The following MPPED1 variants were observed in gnomAD, a reference collection of about 807,000 sequenced individuals.
MPPED1 encodes the protein metallophosphoesterase domain containing 1.
MPPED1 carries 16 observed loss-of-function variants against 36.2 expected under a neutral mutation model. That is an observed-to-expected ratio of 0.44 (90% CI 0.30 to 0.67). The LOEUF is 0.67. Among genes scored for constraint, MPPED1 ranks in the 30% least tolerant of loss-of-function variants. The pLI, the probability that MPPED1 is intolerant of heterozygous loss-of-function variation, is 0.10. For missense variants in MPPED1, 307 were observed against 453.4 expected (o/e 0.68, Z 2.93); for synonymous variants, 199 against 191.3 (o/e 1.04, Z -0.33).
chr22:43,462,515 T>C (rs1930990207), intron 3 of MPPED1, among the ~76,000 whole-genome samples: 1 of 152,240 alleles, frequency 6.6e-6, no homozygotes, highest in Admixed American at 6.5e-5. Context: ...CACTCACATA[T>C]GCATCTTTTC....
chr22:43,427,255 G>C (rs1487608176), intron 2 of MPPED1, among the ~76,000 whole-genome samples: 1 of 152,236 alleles, frequency 6.6e-6, no homozygotes, highest in Non-Finnish European at 1.5e-5. Context: ...GGAAGACAGA[G>C]AGTGGGGGCT....
At chr22:43,436,464 T>C (rs1929964926) in intron 3 of MPPED1, among the ~76,000 whole-genome samples, 1 of 152,266 alleles carries the variant, frequency 6.6e-6, no homozygotes, top group Admixed American at 6.5e-5. Context: ...AAGCAAGGCC[T>C]TCCCTTCTGT....
intron 3 of MPPED1, among the ~76,000 whole-genome samples, chr22:43,455,567 G>A (rs948017777): frequency 6.6e-6 from 1 of 152,118 alleles, no homozygotes. Flanking sequence ...TTGTGGAGGG[G>A]GAGACAATTT....
intron 1 of MPPED1, among the ~76,000 whole-genome samples, chr22:43,420,249 G>C (rs147990993): frequency 3.5e-4 from 53 of 152,244 alleles, no homozygotes; most frequent in Middle Eastern, 3.4e-3. Flanking sequence ...GTCCTCCATG[G>C]CAGAAGCATG....
At chr22:43,503,221 G>T (rs1035563779) in intron 6 of MPPED1, among the ~76,000 whole-genome samples, 2 of 152,194 alleles carry the variant, frequency 1.3e-5, no homozygotes, top group Non-Finnish European at 2.9e-5. Context: ...GATGGTGAGG[G>T]TGATGTCAGC....
At chr22:43,493,302 G>A (rs1460196299) in intron 4 of MPPED1, among the ~76,000 whole-genome samples, 1 of 152,246 alleles carries the variant, frequency 6.6e-6, no homozygotes, top group African/African-American at 2.4e-5. Context: ...TTCAAATGGG[G>A]TTCCAAGGAG....
intron 3 of MPPED1, among the ~76,000 whole-genome samples, chr22:43,459,087 G>GT (rs560031358): frequency 7.2e-5 from 11 of 151,776 alleles, no homozygotes; most frequent in South Asian, 2.1e-4. Flanking sequence ...TTTTTATTTT[G>GT]TTTTTTTGAT....
At chr22:43,499,027 C>T (rs1932521596) in intron 5 of MPPED1, among the ~76,000 whole-genome samples, 1 of 151,546 alleles carries the variant, frequency 6.6e-6, no homozygotes, top group African/African-American at 2.4e-5. Context: ...CTCTCTCTCC[C>T]ATGGTCATGG....
At chr22:43,442,957 C>A (rs1352626027) in intron 3 of MPPED1, among the ~76,000 whole-genome samples, 2 of 152,122 alleles carry the variant, frequency 1.3e-5, no homozygotes, top group Admixed American at 6.5e-5. Context: ...GTCAACACAG[C>A]GTGAGGGGCT....
chr22:43,433,065 T>TC (rs1017843445), intron 2 of MPPED1, among the ~76,000 whole-genome samples: 129 of 151,758 alleles, frequency 8.5e-4, no homozygotes, highest in Non-Finnish European at 1.6e-3. Flanking sequence ...CAGCTGTGTG[T>TC]GGGGGGGCGG....
chr22:43,469,694 G>A (rs1931300753), intron 3 of MPPED1, among the ~76,000 whole-genome samples: 1 of 152,122 alleles, frequency 6.6e-6, no homozygotes, highest in Admixed American at 6.6e-5. Flanking sequence ...GGTAAGGAGG[G>A]TGAGTCAAAA....
intron 4 of MPPED1, among the ~76,000 whole-genome samples, chr22:43,484,594 G>A (rs972312029): frequency 2.0e-5 from 3 of 152,230 alleles, no homozygotes; most frequent in Admixed American, 2.0e-4. Context: ...CCCTCACAGG[G>A]CCCTGGATGG....
chr22:43,452,112 G>C (rs1220357214), intron 3 of MPPED1, among the ~76,000 whole-genome samples: 4 of 151,646 alleles, frequency 2.6e-5, no homozygotes, highest in Non-Finnish European at 4.4e-5. Context: ...CTGCCTCCCA[G>C]GTTCAAGCGA....
intron 1 of MPPED1, among the ~76,000 whole-genome samples, chr22:43,420,371 G>A (rs1055266221): frequency 6.6e-6 from 1 of 151,930 alleles, no homozygotes; most frequent in Non-Finnish European, 1.5e-5. Flanking sequence ...AGGTCGGGGT[G>A]TCATTGGTGT....
intron 2 of MPPED1, among the ~76,000 whole-genome samples, chr22:43,429,084 A>G (rs181673867): frequency 6.6e-6 from 1 of 152,188 alleles, no homozygotes. Flanking sequence ...CCTTGAAGCT[A>G]CAGCAGAGTG....
intron 2 of MPPED1, among the ~76,000 whole-genome samples, chr22:43,433,925 G>A (rs971232570): frequency 6.6e-6 from 1 of 152,234 alleles, no homozygotes. Flanking sequence ...GTTTTTAAGA[G>A]TTTTGAGCCT....
chr22:43,414,254 A>G (rs1169755240), intron 1 of MPPED1, among the ~76,000 whole-genome samples: 1 of 152,262 alleles, frequency 6.6e-6, no homozygotes, highest in South Asian at 2.1e-4. Flanking sequence ...GCTTAAGTTC[A>G]TTTGTTCTTC....
chr22:43,433,562 T>C (rs945009708), intron 2 of MPPED1, among the ~76,000 whole-genome samples: 1 of 126,690 alleles, frequency 7.9e-6, no homozygotes, highest in African/African-American at 2.8e-5. Flanking sequence ...TCTGACTTGC[T>C]GGGATTCTCC....
At chr22:43,456,740 T>A (rs112437037) in intron 3 of MPPED1, among the ~76,000 whole-genome samples, 1 of 152,014 alleles carries the variant, frequency 6.6e-6, no homozygotes, top group African/African-American at 2.4e-5. Context: ...AAATGATCCA[T>A]CCACCTCAGC....
Sources: gnomAD v4.1 joint callset for allele counts (sites outside exome capture counted in the v4.1 genomes callset) on GRCh38, gnomAD v4.1.1 for gene constraint, MANE v1.5 for transcripts, NCBI Gene and HGNC (gene_info 2026-07-23, HGNC 2026-07-21) for gene names.